TCF7L1: variants seen among roughly 807,000 people sequenced by gnomAD.
TCF7L1 encodes the protein transcription factor 7-like 1.
TCF7L1 carries 18 observed loss-of-function variants against 63.7 expected under a neutral mutation model. The ratio of observed to expected loss-of-function variants is 0.28; its 90% confidence interval spans 0.20 to 0.42. TCF7L1 has a LOEUF of 0.42. TCF7L1 is among the 10% of genes least tolerant of loss of function. The probability of loss-of-function intolerance (pLI) is 1.00; values close to 1 mark genes in which losing one functional copy is unlikely to be tolerated. For synonymous variants in TCF7L1, 355 were observed against 340.9 expected (o/e 1.04, Z -0.46); for missense variants, 654 against 779.3 (o/e 0.84, Z 1.91).
chr2:85,209,276 C>A (rs1288507045), intron 3 of TCF7L1, among the ~76,000 whole-genome samples: 1 of 152,202 alleles, frequency 6.6e-6, no homozygotes, highest in Non-Finnish European at 1.5e-5. Flanking sequence ...CCTGAGTGAC[C>A]TGTTCACCTT....
chr2:85,265,237 T>TA (rs1680940055), intron 3 of TCF7L1, among the ~76,000 whole-genome samples: 1 of 150,342 alleles, frequency 6.7e-6, no homozygotes, highest in South Asian at 2.1e-4. Flanking sequence ...TATGGAGGGG[T>TA]AGGTGTGAGC....
At chr2:85,191,595 G>A (rs1222633153) in intron 3 of TCF7L1, among the ~76,000 whole-genome samples, 1 of 152,194 alleles carries the variant, frequency 6.6e-6, no homozygotes, top group Non-Finnish European at 1.5e-5. Context: ...CGGAGGCTGA[G>A]GAGGGCAGAT....
chr2:85,151,567 T>C (rs1251922994), intron 3 of TCF7L1, among the ~76,000 whole-genome samples: 4 of 152,216 alleles, frequency 2.6e-5, no homozygotes, highest in Non-Finnish European at 5.9e-5. Context: ...TGATAGTCTA[T>C]TTGTATCATT....
intron 3 of TCF7L1, among the ~76,000 whole-genome samples, chr2:85,282,352 G>A (rs1216074541): frequency 1.3e-5 from 2 of 152,196 alleles, no homozygotes; most frequent in Non-Finnish European, 1.5e-5. Context: ...ATTCTCAAAG[G>A]AGTCTCAAGA....
Position 85,134,355 on chromosome 2 carries a change from G to C in TCF7L1, c.346G>C (p.Gly116Arg). ...RRPQDSAFFKGPPYPGYPFLM... is the reference protein window; with the variant it reads ...RRPQDSAFFKRPPYPGYPFLM... ...GCCTCAGGACAGCGCGTTCTTTAAA[G>C]GACCCCCGTACCCTGGGTACCCCTT... is the stretch of plus-strand genomic sequence containing the variant. Residue 116 changes from glycine (G) to arginine (R), a missense_variant, in exon 3 of 12, where the codon GGA becomes CGA. Gly to Arg is a moderately radical substitution (Grantham distance 125, BLOSUM62 -2). Transcript: ENST00000282111. The surrounding 1 kb of genome is among the most constrained non-coding windows in gnomAD (Gnocchi z 5.0). 1.3e-6 allele frequency: 2 copies of C among 1,584,246 alleles called. No homozygotes were observed. The highest frequency in any genetic ancestry group is 1.7e-6 in the Non-Finnish European group (2 of 1,164,498).
intron 3 of TCF7L1, among the ~76,000 whole-genome samples, chr2:85,164,372 T>A (rs555390837): frequency 8.4e-4 from 128 of 152,226 alleles, no homozygotes; most frequent in Non-Finnish European, 1.1e-3. Context: ...TTGCCTAAGA[T>A]GAAGGCTGGG....
At chr2:85,203,211 C>T (rs1679318062) in intron 3 of TCF7L1, among the ~76,000 whole-genome samples, 2 of 152,148 alleles carry the variant, frequency 1.3e-5, no homozygotes, top group African/African-American at 4.8e-5. Context: ...AATAGCATTT[C>T]TAACATTGGG....
At chr2:85,138,211 A>G (rs1472303186) in intron 3 of TCF7L1, among the ~76,000 whole-genome samples, 1 of 152,158 alleles carries the variant, frequency 6.6e-6, no homozygotes, top group Non-Finnish European at 1.5e-5. Context: ...ATCTCATCTC[A>G]GGCTTGTGTA....
rs1356975315 is a variant in TCF7L1 at position 85,292,194 on chromosome 2, G to A, written c.525+8616G>A. 1.2e-4 allele frequency among the ~76,000 whole-genome samples: 6 copies of A among 48,280 alleles called. 3 individuals are homozygous for A. Among genetic ancestry groups the A allele is most frequent in the African/African-American group, 6.0e-4 (2 of 3,326 alleles). The allele number at this position is 48,280 out of a possible 152,430, so 31.7% of individuals were successfully genotyped here. A position where few individuals can be genotyped will look rare whatever the true frequency, so the allele number is the denominator to read the frequency against. On this transcript the variant is annotated intron_variant, in intron 4 of 11. Transcript: ENST00000282111. ...CGCCACTACGCCCGGCTAATTTTTT[G>A]TATTTTTAGTAGAGACGGGGTTTCA...
At chr2:85,222,670 A>C (rs1292997104) in intron 3 of TCF7L1, among the ~76,000 whole-genome samples, 1 of 76,230 alleles carries the variant, frequency 1.3e-5, no homozygotes, top group East Asian at 3.3e-4. Flanking sequence ...ACCCCATCTC[A>C]AAAAAAAAAA....
intron 3 of TCF7L1, among the ~76,000 whole-genome samples, chr2:85,238,468 G>A (rs1199823885): frequency 2.6e-5 from 4 of 152,300 alleles, no homozygotes; most frequent in East Asian, 3.9e-4. Flanking sequence ...CATGGCACCC[G>A]TGGTAGGAAC....
intron 3 of TCF7L1, among the ~76,000 whole-genome samples, chr2:85,190,234 AT>A (rs1208360833): frequency 6.6e-6 from 1 of 152,152 alleles, no homozygotes; most frequent in Non-Finnish European, 1.5e-5. Context: ...GCCACAGAAT[AT>A]TTTGCCTCTT....
At chr2:85,231,320 A>G (rs1680073179) in intron 3 of TCF7L1, among the ~76,000 whole-genome samples, 1 of 152,218 alleles carries the variant, frequency 6.6e-6, no homozygotes, top group Non-Finnish European at 1.5e-5. Context: ...GAGTAGCTCT[A>G]GAAGACCTAA....
Position 85,203,037 on chromosome 2 carries a change from A to G in TCF7L1, c.441+68587A>G, listed in dbSNP as rs373563265. 9.4e-4 allele frequency among the ~76,000 whole-genome samples: 143 copies of G among 152,156 alleles called. 1 individual carries two copies. The highest frequency in any genetic ancestry group is 9.1e-3 in the South Asian group (44 of 4,820). On this transcript the variant is annotated intron_variant, in intron 3 of 11. Transcript: ENST00000282111. ...TTTTTGGTAGAGACGGGGTTTCACCATGTTAGCCAGGATGGTCTTGATCTC... is the reference window on the plus strand; with the variant it reads ...TTTTTGGTAGAGACGGGGTTTCACCGTGTTAGCCAGGATGGTCTTGATCTC...
At chr2:85,159,621 G>A (rs1678234353) in intron 3 of TCF7L1, among the ~76,000 whole-genome samples, 1 of 152,224 alleles carries the variant, frequency 6.6e-6, no homozygotes, top group Non-Finnish European at 1.5e-5. Context: ...TGTGGTACTG[G>A]CCCTTTGACC....
At chr2:85,152,433 C>T (rs1678037963) in intron 3 of TCF7L1, among the ~76,000 whole-genome samples, 2 of 83,016 alleles carry the variant, frequency 2.4e-5, no homozygotes, top group South Asian at 5.2e-4. Context: ...CATTCTCTCT[C>T]TCTCTTTTTT....
At chr2:85,293,775 T>C (rs1177923186) in intron 4 of TCF7L1, among the ~76,000 whole-genome samples, 1 of 152,236 alleles carries the variant, frequency 6.6e-6, no homozygotes, top group African/African-American at 2.4e-5. Flanking sequence ...CAGTCTCGTG[T>C]CCAAGTACTT....
Position 85,285,541 on chromosome 2 carries a change from G to GC in TCF7L1, c.525+1964dup, listed in dbSNP as rs1681525967. 2.0e-5 allele frequency among the ~76,000 whole-genome samples: 3 copies of GC among 152,232 alleles called. No individual in the cohort carries two copies. The South Asian group carries it at 6.2e-4, about 31-fold the overall frequency. ...GCAGGTTCTGCAGCCAGTCGCCAAG[G>GC]CACAAGCTGCTGTTGAACAAGCACT... On this transcript the variant is annotated intron_variant, in intron 4 of 11. Coordinates refer to ENST00000282111, the MANE Select transcript of TCF7L1 (RefSeq NM_031283.3).
rs1324394182 is a variant in TCF7L1, at chr2:85,306,964, A to G, written c.1257+405A>G. The stretch of plus-strand genomic sequence containing the variant: ...CAGGCGTGAGCCACCGCGCCCGGCC[A>G]GCGACTGCATTTATAGAGGACTCTT... On this transcript the variant is annotated intron_variant, in intron 10 of 11. Coordinates refer to ENST00000282111, the MANE Select transcript of TCF7L1 (RefSeq NM_031283.3). The surrounding 1 kb of genome is among the most constrained non-coding windows in gnomAD (Gnocchi z 4.3). 6.6e-6 allele frequency among the ~76,000 whole-genome samples: 1 copy of G among 152,186 alleles called. No homozygotes were observed. The highest frequency in any genetic ancestry group is 1.5e-5 in the Non-Finnish European group (1 of 68,032).
Sources: gnomAD v4.1 joint callset for allele counts (sites outside exome capture counted in the v4.1 genomes callset) on GRCh38, gnomAD v4.1.1 for gene constraint, Gnocchi (gnomAD v3.1) non-coding constraint, MANE v1.5 for transcripts, NCBI Gene and HGNC (gene_info 2026-07-23, HGNC 2026-07-21) for gene names.